The following RBMS3 variants were observed in gnomAD, a reference collection of about 807,000 sequenced individuals.
RBMS3 encodes RNA binding motif single stranded interacting protein 3, also known as RNA-binding motif, single-stranded-interacting protein 3.
In RBMS3, 27 loss-of-function variants were observed where a neutral mutation model predicts 66.8. That is an observed-to-expected ratio of 0.40 (90% CI 0.30 to 0.56). The LOEUF is 0.56. Among genes scored for constraint, RBMS3 ranks in the 20% least tolerant of loss-of-function variants. The probability of loss-of-function intolerance (pLI) is 0.40; values close to 1 mark genes in which losing one functional copy is unlikely to be tolerated. For missense variants in RBMS3, 513 were observed against 549.5 expected (o/e 0.93, Z 0.66); for synonymous variants, 188 against 183.0 (o/e 1.03, Z -0.22).
intron 14 of RBMS3, among the ~76,000 whole-genome samples, chr3:29,992,716 G>C (rs1225667426): frequency 2.6e-5 from 4 of 152,168 alleles, no homozygotes; most frequent in South Asian, 2.1e-4. Context: ...CGAGTGAGGG[G>C]GTCAGTGAGT....
At chr3:29,882,226 C>T (rs2059753306) in intron 7 of RBMS3, among the ~76,000 whole-genome samples, 1 of 152,116 alleles carries the variant, frequency 6.6e-6, no homozygotes, top group Non-Finnish European at 1.5e-5. Flanking sequence ...AACCTCCAGC[C>T]AGTCATGTGG....
intron 3 of RBMS3, among the ~76,000 whole-genome samples, chr3:29,491,712 G>A (rs1575994665): frequency 6.6e-6 from 1 of 152,356 alleles, no homozygotes; most frequent in Middle Eastern, 3.4e-3. Context: ...ACAGCGGTTA[G>A]GCCGGGCGCA....
intron 6 of RBMS3, among the ~76,000 whole-genome samples, chr3:29,829,124 A>C (rs1184166566): frequency 6.6e-6 from 1 of 151,874 alleles, no homozygotes; most frequent in South Asian, 2.1e-4. Flanking sequence ...GGCTCACTGC[A>C]ACCTCTGCCT....
intron 1 of RBMS3, among the ~76,000 whole-genome samples, chr3:29,360,032 T>G (rs1186500612): frequency 6.6e-6 from 1 of 152,104 alleles, no homozygotes; most frequent in Non-Finnish European, 1.5e-5. Context: ...AGGGTTTTTT[T>G]TGTCTCTGTT....
chr3:29,419,465 A>C (rs2040614116), intron 1 of RBMS3, among the ~76,000 whole-genome samples: 4 of 152,164 alleles, frequency 2.6e-5, no homozygotes, highest in Non-Finnish European at 5.9e-5. Flanking sequence ...TGAGAATTAG[A>C]AATCTCTGGT....
chr3:29,878,381 G>A (rs1189560372), intron 7 of RBMS3, among the ~76,000 whole-genome samples: 3 of 152,078 alleles, frequency 2.0e-5, no homozygotes, highest in Admixed American at 6.5e-5. Context: ...TCACATAGGA[G>A]ACCCTCAATT....
At chr3:29,356,256 T>C (rs1178972136) in intron 1 of RBMS3, among the ~76,000 whole-genome samples, 2 of 152,184 alleles carry the variant, frequency 1.3e-5, no homozygotes, top group Admixed American at 6.5e-5. Context: ...CTCTGTTGCA[T>C]TGTCTCTTTC....
intron 2 of RBMS3, among the ~76,000 whole-genome samples, chr3:29,478,838 T>A (rs1391077995): frequency 6.6e-6 from 1 of 152,204 alleles, no homozygotes; most frequent in African/African-American, 2.4e-5. Flanking sequence ...CATAAGCTGC[T>A]TCAAGGAACA....
chr3:29,906,918 C>A (rs894602545), intron 10 of RBMS3, among the ~76,000 whole-genome samples: 1 of 152,100 alleles, frequency 6.6e-6, no homozygotes, highest in Non-Finnish European at 1.5e-5. Context: ...TGACATCACA[C>A]AATATGTGCT....
At chr3:29,556,160 T>G (rs2046354941) in intron 3 of RBMS3, among the ~76,000 whole-genome samples, 1 of 152,202 alleles carries the variant, frequency 6.6e-6, no homozygotes, top group Non-Finnish European at 1.5e-5. Flanking sequence ...TAAATCATCT[T>G]TTGCTTTGAA....
intron 3 of RBMS3, among the ~76,000 whole-genome samples, chr3:29,562,993 A>C (rs1307943162): frequency 6.6e-6 from 1 of 152,222 alleles, no homozygotes; most frequent in African/African-American, 2.4e-5. Context: ...AGAAGGAAAA[A>C]AAAGGCAGAA....
intron 3 of RBMS3, among the ~76,000 whole-genome samples, chr3:29,551,874 A>G (rs2046191423): frequency 6.6e-6 from 1 of 152,204 alleles, no homozygotes; most frequent in Admixed American, 6.5e-5. Context: ...TTGCTCCTGG[A>G]AAAGAAAGAT....
intron 3 of RBMS3, among the ~76,000 whole-genome samples, chr3:29,490,586 T>C (rs2043506229): frequency 6.6e-6 from 1 of 152,086 alleles, no homozygotes; most frequent in African/African-American, 2.4e-5. Context: ...ATGGCAACCA[T>C]GTGGAAGATG....
intron 3 of RBMS3, among the ~76,000 whole-genome samples, chr3:29,586,630 T>A (rs2149092692): frequency 6.6e-6 from 1 of 152,256 alleles, no homozygotes; most frequent in South Asian, 2.1e-4. Flanking sequence ...GAAGTCAACA[T>A]GTATTTATTG....
At chr3:29,671,027 G>T (rs1410206922) in intron 4 of RBMS3, among the ~76,000 whole-genome samples, 4 of 152,136 alleles carry the variant, frequency 2.6e-5, no homozygotes, top group Non-Finnish European at 2.9e-5. Flanking sequence ...ACCTCACAAG[G>T]CCGAGTGCCC....
chr3:29,301,185 T>G (rs1237298487), intron 1 of RBMS3, among the ~76,000 whole-genome samples: 1 of 151,992 alleles, frequency 6.6e-6, no homozygotes, highest in African/African-American at 2.4e-5. Context: ...TTTGTCACCA[T>G]GGAGGCGACA....
At chr3:29,732,027 C>T (rs1415327135) in intron 4 of RBMS3, among the ~76,000 whole-genome samples, 1 of 152,024 alleles carries the variant, frequency 6.6e-6, no homozygotes, top group Non-Finnish European at 1.5e-5. Context: ...CTCCATCTGT[C>T]CCTCTCCTCC....
intron 3 of RBMS3, among the ~76,000 whole-genome samples, chr3:29,557,516 G>T (rs938919511): frequency 1.5e-4 from 23 of 152,308 alleles, no homozygotes; most frequent in African/African-American, 5.3e-4. Context: ...AGGAGCATTT[G>T]CTTGGAACGA....
At chr3:29,310,097 A>AG (rs911986739) in intron 1 of RBMS3, among the ~76,000 whole-genome samples, 4 of 151,752 alleles carry the variant, frequency 2.6e-5, no homozygotes, top group African/African-American at 7.2e-5. Context: ...TCCTGGGTCG[A>AG]GGGGGCAGAT....
Sources: gnomAD v4.1 joint callset for allele counts (sites outside exome capture counted in the v4.1 genomes callset) on GRCh38, gnomAD v4.1.1 for gene constraint, MANE v1.5 for transcripts, NCBI Gene and HGNC (gene_info 2026-07-23, HGNC 2026-07-21) for gene names.